The following LINGO2 variants were observed in gnomAD, a reference collection of about 807,000 sequenced individuals.
LINGO2 encodes the protein leucine-rich repeat and immunoglobulin-like domain-containing nogo receptor-interacting protein 2.
LINGO2 carries 14 observed loss-of-function variants against 30.6 expected under a neutral mutation model. That is an observed-to-expected ratio of 0.46 (90% CI 0.30 to 0.72). The LOEUF is 0.72. Ranked by LOEUF, LINGO2 falls within the 30% of genes least tolerant of loss-of-function variation. The pLI is 0.07. For missense variants in LINGO2, 729 were observed against 751.7 expected (o/e 0.97, Z 0.35); for synonymous variants, 317 against 288.5 (o/e 1.10, Z -1.00).
At chr9:29,017,470 T>G in the LINGO2 span, among the ~76,000 whole-genome samples, 1 of 152,274 alleles carries the variant, frequency 6.6e-6, no homozygotes, top group African/African-American at 2.4e-5. Context: ...CATTTCATAC[T>G]GACAGTAGTA....
At chr9:28,988,889 T>C in the LINGO2 span, among the ~76,000 whole-genome samples, 1 of 152,202 alleles carries the variant, frequency 6.6e-6, no homozygotes, top group Non-Finnish European at 1.5e-5. Context: ...TTCAGGTTTT[T>C]TTCTAAGTAT....
rs142227014 is a variant in LINGO2, at chr9:27,988,164, C to T, written c.-36+24191G>A. 5.5e-3 allele frequency among the ~76,000 whole-genome samples: 839 copies of T among 152,070 alleles called. 6 individuals are homozygous for T. The highest frequency in any genetic ancestry group is 0.019 in the African/African-American group (806 of 41,500). On this transcript the variant is annotated intron_variant, in intron 5 of 5. Transcript: ENST00000379992. Reference sequence around the variant, plus strand: ...GATGGTTTCCTGCTTCATCCATGTCCCTACAAAGGACATGAACTCATTTTT... The same window carrying T: ...GATGGTTTCCTGCTTCATCCATGTCTCTACAAAGGACATGAACTCATTTTT...
At chr9:28,825,564 TCTG>T in the LINGO2 span, among the ~76,000 whole-genome samples, 50,331 of 122,616 alleles carry the variant, frequency 0.41, 9,924 homozygotes, top group South Asian at 0.56. Context: ...CTCATTTGTA[TCTG>T]GTTTTTTTTT....
At chr9:28,635,354 A>G (rs1269984499) in intron 1 of LINGO2, among the ~76,000 whole-genome samples, 1 of 152,214 alleles carries the variant, frequency 6.6e-6, no homozygotes, top group Non-Finnish European at 1.5e-5. Flanking sequence ...CCCTGAAACA[A>G]TATGATATTT....
At position 28,415,993 on chromosome 9, in the gene LINGO2, C is replaced by T. The variant is rs185247107; in HGVS notation, c.-278-43125G>A. Among the ~76,000 whole-genome samples, 333 of 152,178 alleles carry T rather than the reference C, an allele frequency of 2.2e-3. 3 individuals carry two copies. The highest frequency in any genetic ancestry group is 7.7e-3 in the African/African-American group (319 of 41,548). On this transcript the variant is annotated intron_variant, in intron 2 of 5. Coordinates refer to ENST00000379992, the Ensembl canonical transcript of LINGO2. Reference sequence around the variant, plus strand: ...GCAGGATACAATACACCTTATTAAACCAAAGACTTGAACAAAATTATTTCC... The same window carrying T: ...GCAGGATACAATACACCTTATTAAATCAAAGACTTGAACAAAATTATTTCC...
At chr9:28,790,865 C>A in the LINGO2 span, among the ~76,000 whole-genome samples, 9 of 152,058 alleles carry the variant, frequency 5.9e-5, no homozygotes, top group Non-Finnish European at 1.2e-4. Context: ...TTGATATTAT[C>A]TGCAGTTTCA....
chr9:28,109,759 A>G (rs531575932), intron 4 of LINGO2, among the ~76,000 whole-genome samples: 1 of 152,354 alleles, frequency 6.6e-6, no homozygotes, highest in East Asian at 1.9e-4. Context: ...AAACAAATGG[A>G]AAAACATTTC....
chr9:27,977,269 A>G (rs1820644997), intron 5 of LINGO2, among the ~76,000 whole-genome samples: 1 of 151,754 alleles, frequency 6.6e-6, no homozygotes, highest in Non-Finnish European at 1.5e-5. Context: ...GGTTACTCCT[A>G]ATGCTAAGTA....
intron 1 of LINGO2, among the ~76,000 whole-genome samples, chr9:28,667,983 A>G (rs993551093): frequency 6.6e-6 from 1 of 151,970 alleles, no homozygotes; most frequent in African/African-American, 2.4e-5. Flanking sequence ...CACCTTCTCA[A>G]CGTGAACCTA....
the LINGO2 span, among the ~76,000 whole-genome samples, chr9:28,797,359 T>TATATATATATATATATAG: frequency 1.8e-4 from 6 of 34,212 alleles, no homozygotes; most frequent in Non-Finnish European, 2.2e-4. Context: ...TATATATATA[T>TATATATATATATATATAG]AGAGAGAGAG....
the LINGO2 span, among the ~76,000 whole-genome samples, chr9:28,989,303 G>A: frequency 6.6e-6 from 1 of 152,164 alleles, no homozygotes; most frequent in African/African-American, 2.4e-5. Flanking sequence ...ATTGCATCAA[G>A]AGAAAACAAT....
At chr9:28,111,126 T>G (rs752447980) in intron 4 of LINGO2, among the ~76,000 whole-genome samples, 2 of 152,000 alleles carry the variant, frequency 1.3e-5, no homozygotes, top group Non-Finnish European at 2.9e-5. Context: ...CTCAGCAAAC[T>G]AACACAGGTA....
chr9:29,044,861 A>G, the LINGO2 span, among the ~76,000 whole-genome samples: 1 of 152,130 alleles, frequency 6.6e-6, no homozygotes, highest in African/African-American at 2.4e-5. Context: ...AGTTTACTTT[A>G]TAAGTTAGGC....
At chr9:28,577,853 C>T (rs1239900922) in intron 1 of LINGO2, among the ~76,000 whole-genome samples, 2 of 152,136 alleles carry the variant, frequency 1.3e-5, no homozygotes, top group Non-Finnish European at 2.9e-5. Context: ...AATAATCTTA[C>T]TGGGAAGACA....
the LINGO2 span, among the ~76,000 whole-genome samples, chr9:29,208,837 T>C: frequency 6.6e-6 from 1 of 152,144 alleles, no homozygotes; most frequent in Non-Finnish European, 1.5e-5. Context: ...TGGTGTCAGA[T>C]CCACTGCTTT....
At position 28,156,397 on chromosome 9, in the gene LINGO2, T is replaced by C. The variant is rs184863088; in HGVS notation, c.-87+138811A>G. ...AAAGAACCTACTATGCACCAGGCAG[T>C]GTGGTAGACATTTTAAAGTATTGAC... On this transcript the variant is annotated intron_variant, in intron 4 of 5. Coordinates refer to ENST00000379992, the Ensembl canonical transcript of LINGO2. 3.4e-3 allele frequency among the ~76,000 whole-genome samples: 522 copies of C among 152,314 alleles called. 4 individuals carry two copies. The highest frequency in any genetic ancestry group is 7.5e-3 in the Admixed American group (115 of 15,292).
chr9:29,174,589 AT>A, the LINGO2 span, among the ~76,000 whole-genome samples: 3 of 152,090 alleles, frequency 2.0e-5, no homozygotes, highest in Non-Finnish European at 4.4e-5. Flanking sequence ...GTCACATGAA[AT>A]TTCCCTTTTA....
the LINGO2 span, among the ~76,000 whole-genome samples, chr9:28,847,398 A>G: frequency 6.8e-6 from 1 of 147,626 alleles, no homozygotes; most frequent in African/African-American, 2.5e-5. Flanking sequence ...GATTTTTTAC[A>G]GGAATCACAG....
At chr9:28,823,522 A>T in the LINGO2 span, among the ~76,000 whole-genome samples, 1 of 152,150 alleles carries the variant, frequency 6.6e-6, no homozygotes. Flanking sequence ...CTTTGATCAC[A>T]AGAGTATGGC....
Sources: allele counts gnomAD v4.1 joint callset (sites outside exome capture counted in the v4.1 genomes callset), GRCh38; gene constraint gnomAD v4.1.1; transcripts MANE v1.5; gene names NCBI Gene and HGNC (gene_info 2026-07-23, HGNC 2026-07-21).